The following ZNF573 variants were observed in gnomAD, a reference collection of about 807,000 sequenced individuals.
ZNF573 encodes the protein zinc finger protein 573.
Under a neutral mutation model 57.4 loss-of-function variants are expected in ZNF573, and 41 were observed. That is an observed-to-expected ratio of 0.71 (90% CI 0.56 to 0.93). The LOEUF (loss-of-function observed/expected upper bound fraction) is 0.93, where lower values mean the gene tolerates loss of function less well. ZNF573 is among the 40% of genes least tolerant of loss of function. The pLI is 0.00. For synonymous variants in ZNF573, 249 were observed against 261.0 expected (o/e 0.95, Z 0.44); for missense variants, 730 against 794.8 (o/e 0.92, Z 0.98).
intron 4 of ZNF573, among the ~76,000 whole-genome samples, chr19:37,768,289 C>T (rs1006223501): frequency 1.5e-4 from 23 of 152,162 alleles, no homozygotes; most frequent in African/African-American, 5.3e-4. Context: ...TTCAACAATA[C>T]CTCATGTGAT....
chr19:37,774,493 A>T (rs1429628708), intron 1 of ZNF573, among the ~76,000 whole-genome samples: 1 of 152,124 alleles, frequency 6.6e-6, no homozygotes, highest in African/African-American at 2.4e-5. Flanking sequence ...TGGTCAAAAC[A>T]TGAGAGAGAA....
chr19:37,741,978 C>T (rs575241157), intron 4 of ZNF573, among the ~76,000 whole-genome samples: 4 of 152,294 alleles, frequency 2.6e-5, no homozygotes, highest in Admixed American at 1.3e-4. Flanking sequence ...TCAGCCAAGT[C>T]TCAGGGTACA....
rs1568424276 is a variant in ZNF573 at position 37,770,860 on chromosome 19, A to ATATATATATATATG, written c.202+703_202+704insCATATATATATATA. 3.9e-4 allele frequency among the ~76,000 whole-genome samples: 39 copies of ATATATATATATATG among 101,082 alleles called. 4 individuals are homozygous for ATATATATATATATG. In the East Asian group the frequency reaches 8.2e-3, roughly 21 times the overall value. The allele number at this position is 101,082 out of a possible 152,430, so 66.3% of individuals were successfully genotyped here. A position where few individuals can be genotyped will look rare whatever the true frequency, so the allele number is the denominator to read the frequency against. ...TATATATATATATATATATATATAT[A>ATATATATATATATG]TATATATATATATTCCCCCTCCCTT... On this transcript the variant is annotated intron_variant, in intron 3 of 4. Transcript: ENST00000536220.
intron 4 of ZNF573, chr19:37,755,111 AG>A (rs1330461781): frequency 6.6e-6 from 1 of 152,282 alleles, no homozygotes; most frequent in East Asian, 1.9e-4. Flanking sequence ...CTGGGACTAC[AG>A]GCCCCTGCCA....
chr19:37,746,773 G>A (rs769715191), intron 4 of ZNF573, among the ~76,000 whole-genome samples: 2 of 152,048 alleles, frequency 1.3e-5, no homozygotes, highest in Admixed American at 1.3e-4. Flanking sequence ...TAGTAGAGAC[G>A]GGGTTTCACC....
intron 4 of ZNF573, among the ~76,000 whole-genome samples, chr19:37,753,870 A>G (rs1000029789): frequency 2.0e-5 from 3 of 152,222 alleles, no homozygotes; most frequent in South Asian, 2.1e-4. Flanking sequence ...GTTCTCAAGA[A>G]AAGTAAGATG....
intron 4 of ZNF573, among the ~76,000 whole-genome samples, chr19:37,753,911 C>T (rs956135271): frequency 7.9e-5 from 12 of 152,158 alleles, no homozygotes; most frequent in Non-Finnish European, 1.8e-4. Context: ...AAGTATCTTT[C>T]AACTACAAAA....
chr19:37,765,864 C>T (rs932191976), intron 4 of ZNF573, among the ~76,000 whole-genome samples: 8 of 151,588 alleles, frequency 5.3e-5, no homozygotes, highest in Admixed American at 1.3e-4. Context: ...CATGGCAAAA[C>T]CCTCCTCTCT....
chr19:37,776,395 A>G (rs973695520), intron 1 of ZNF573, among the ~76,000 whole-genome samples: 7 of 152,222 alleles, frequency 4.6e-5, no homozygotes, highest in African/African-American at 1.7e-4. Flanking sequence ...AAGACACACT[A>G]TTCAAAAAAT....
Position 37,739,705 on chromosome 19 carries a change from C to A in ZNF573, c.785G>T (p.Arg262Ile). Residue 262 changes from arginine (R) to isoleucine (I), a missense_variant, in exon 5 of 5, where the codon AGA becomes ATA. By Grantham distance (97) the Arg-to-Ile change is moderately conservative. Coordinates refer to ENST00000536220, the MANE Select transcript of ZNF573 (RefSeq NM_001172690.2). ...GCCAGTATGAACTCTCTGATGAATT[C>A]TAAGATGTCCACCTTGACTAAAGGC... ...GRAFSQGGHL[R>I]IHQRVHTGEK... 1 of 1,613,616 alleles carries A rather than the reference C, an allele frequency of 6.2e-7. No homozygotes were observed.
intron 4 of ZNF573, among the ~76,000 whole-genome samples, chr19:37,743,524 C>T (rs978867232): frequency 6.6e-6 from 1 of 152,110 alleles, no homozygotes; most frequent in Admixed American, 6.6e-5. Context: ...AATAGGAATA[C>T]TTTTATACTG....
intron 4 of ZNF573, among the ~76,000 whole-genome samples, chr19:37,768,142 T>A (rs910435026): frequency 6.6e-6 from 1 of 152,198 alleles, no homozygotes; most frequent in South Asian, 2.1e-4. Flanking sequence ...TGTGGTGACA[T>A]GATTGTTTAA....
At chr19:37,773,446 G>A (rs2045677353) in intron 2 of ZNF573, among the ~76,000 whole-genome samples, 1 of 152,130 alleles carries the variant, frequency 6.6e-6, no homozygotes, top group Admixed American at 6.6e-5. Context: ...ATAAGCACAT[G>A]AGTACTAAAT....
intron 4 of ZNF573, among the ~76,000 whole-genome samples, chr19:37,746,147 G>A (rs941636134): frequency 6.6e-6 from 1 of 152,228 alleles, no homozygotes; most frequent in Non-Finnish European, 1.5e-5. Context: ...TATACTGCTT[G>A]TAGGTAATCA....
At chr19:37,759,094 C>T (rs2045526365) in intron 4 of ZNF573, 1 of 496,130 alleles carries the variant, frequency 2.0e-6, no homozygotes, top group African/African-American at 2.1e-5. Flanking sequence ...ACTGCTTGAG[C>T]CCAGGAGTTA....
At chr19:37,744,740 C>CAAAAAAA (rs1193916273) in intron 4 of ZNF573, among the ~76,000 whole-genome samples, 2 of 38,596 alleles carry the variant, frequency 5.2e-5, no homozygotes, top group South Asian at 7.9e-4. Context: ...GACCCTATCT[C>CAAAAAAA]AAAAAAAAAA....
chr19:37,744,740 CAA>C (rs1193916273), intron 4 of ZNF573, among the ~76,000 whole-genome samples: 10 of 38,600 alleles, frequency 2.6e-4, no homozygotes, highest in Admixed American at 5.6e-4. Context: ...GACCCTATCT[CAA>C]AAAAAAAAAA....
chr19:37,757,815 G>A (rs939726187), intron 4 of ZNF573, among the ~76,000 whole-genome samples: 2 of 152,008 alleles, frequency 1.3e-5, no homozygotes, highest in African/African-American at 4.8e-5. Flanking sequence ...ATGATAGACT[G>A]GATTAAGAAA....
In ZNF573 at chr19:37,738,323, C is replaced by G; in HGVS notation, c.*169G>C. On this transcript the variant is annotated 3_prime_UTR_variant, in exon 5 of 5. Coordinates refer to ENST00000536220, the MANE Select transcript of ZNF573 (RefSeq NM_001172690.2). Reference sequence around the variant, plus strand: ...TTTTCTTAATTTACCATTGAATAGTCAGATATTCCATTAAAACAGGACTGA... The same window carrying G: ...TTTTCTTAATTTACCATTGAATAGTGAGATATTCCATTAAAACAGGACTGA... The G allele has an allele frequency of 2.1e-6, 1 of 475,038 alleles. No individual in the cohort carries two copies. 29.4% of individuals were successfully genotyped at this position (475,038 alleles called of 1,614,324 possible). A position where few individuals can be genotyped will look rare whatever the true frequency, so the allele number is the denominator to read the frequency against.
Sources: allele counts gnomAD v4.1 joint callset (sites outside exome capture counted in the v4.1 genomes callset), GRCh38; gene constraint gnomAD v4.1.1; transcripts MANE v1.5; gene names NCBI Gene and HGNC (gene_info 2026-07-23, HGNC 2026-07-21).